The following ZC3H18 variants were observed in gnomAD, a reference collection of about 807,000 sequenced individuals.
ZC3H18 encodes zinc finger CCCH domain-containing protein 18.
ZC3H18 carries 8 observed loss-of-function variants against 106.1 expected under a neutral mutation model. The observed-to-expected ratio is 0.08, with a 90% CI of 0.04 to 0.14. The LOEUF is 0.14. ZC3H18 is among the 10% of genes least tolerant of loss of function. The probability of loss-of-function intolerance (pLI) is 1.00; values close to 1 mark genes in which losing one functional copy is unlikely to be tolerated. For missense variants in ZC3H18, 1,318 were observed against 1,278.4 expected, an observed-to-expected ratio of 1.03 and a Z score of -0.47; for synonymous variants, 635 against 522.1, an observed-to-expected ratio of 1.22 and a Z score of -2.95.
rs963098316 is a variant in ZC3H18, at chr16:88,609,108, C to T, written c.1206+57C>T. On this transcript the variant is annotated intron_variant, in intron 7 of 17. Transcript: ENST00000301011. ...TTCATGATCTGTTCATTCAAGTTATCCCTTTTTATTTACAGTAAAAAATAC... is the reference window on the plus strand; with the variant it reads ...TTCATGATCTGTTCATTCAAGTTATTCCTTTTTATTTACAGTAAAAAATAC... 3.4e-5 allele frequency: 49 copies of T among 1,421,212 alleles called. No homozygotes were observed. In the African/African-American group the frequency reaches 5.8e-4, roughly 17 times the overall value. The allele number at this position is 1,421,212 out of a possible 1,614,324, so 88.0% of individuals were successfully genotyped here.
At chr16:88,603,843 C>A (rs1347228890) in intron 6 of ZC3H18, among the ~76,000 whole-genome samples, 1 of 150,268 alleles carries the variant, frequency 6.7e-6, no homozygotes, top group East Asian at 2.0e-4. Flanking sequence ...CCATGTTAGC[C>A]AGGTTGGTCT....
intron 3 of ZC3H18, among the ~76,000 whole-genome samples, chr16:88,593,245 G>C (rs1050689120): frequency 2.0e-4 from 30 of 152,122 alleles, no homozygotes; most frequent in Non-Finnish European, 3.8e-4. Flanking sequence ...AAGGTCACCT[G>C]CCCCCAGTGA....
At chr16:88,624,477 CGTGCTCACCG>C in intron 11 of ZC3H18, 115 bp from the exon 12 acceptor site, 1 of 1,454,118 alleles carries the variant, frequency 6.9e-7, no homozygotes, top group Non-Finnish European at 9.4e-7. Flanking sequence ...CAGGCACGAG[CGTGCTCACCG>C]AGCGTCACAG....
At chr16:88,583,384 A>G (rs572917282) in intron 2 of ZC3H18, among the ~76,000 whole-genome samples, 1 of 152,348 alleles carries the variant, frequency 6.6e-6, no homozygotes, top group African/African-American at 2.4e-5. Flanking sequence ...CTTGCTGCTC[A>G]TGTTTTAAGC....
chr16:88,598,515 C>A (rs1225101873), intron 4 of ZC3H18, 105 bp from the exon 5 acceptor site: 1 of 1,430,102 alleles, frequency 7.0e-7, no homozygotes, highest in African/African-American at 1.4e-5. Context: ...AGGAGAGCGG[C>A]CACACACGGC....
chr16:88,585,450 G>C (rs1180106093), intron 2 of ZC3H18, among the ~76,000 whole-genome samples: 11 of 152,246 alleles, frequency 7.2e-5, no homozygotes, highest in Non-Finnish European at 5.9e-5. Context: ...GCCTGCCCTG[G>C]TGGGGCACAG....
chr16:88,603,541 C>G (rs952549598), intron 6 of ZC3H18, among the ~76,000 whole-genome samples: 2 of 150,792 alleles, frequency 1.3e-5, no homozygotes, highest in South Asian at 4.2e-4. Context: ...GAGAATTGCT[C>G]GAACCTGGGA....
chr16:88,608,152 G>A lies in ZC3H18; in HGVS notation c.1089-782G>A, dbSNP rs116294810. ...CATATCATTTTGCAAATCTGAGCTC[G>A]TTTTGCTCCTTGTTTTCGTGTTCTT... On this transcript the variant is annotated intron_variant, in intron 6 of 17. Coordinates refer to ENST00000301011, the MANE Select transcript of ZC3H18 (RefSeq NM_144604.4). Among the ~76,000 whole-genome samples the A allele has an allele frequency of 3.5e-3, 537 of 152,164 alleles. 4 individuals are homozygous for A. The highest frequency in any genetic ancestry group is 0.013 in the African/African-American group (522 of 41,528).
At chr16:88,616,485 C>G (rs1014164653) in intron 8 of ZC3H18, among the ~76,000 whole-genome samples, 1 of 152,174 alleles carries the variant, frequency 6.6e-6, no homozygotes, top group Non-Finnish European at 1.5e-5. Context: ...GGGGAGTCCC[C>G]GGTCTTGGCT....
intron 3 of ZC3H18, among the ~76,000 whole-genome samples, chr16:88,596,547 G>A (rs1208064939): frequency 6.6e-6 from 1 of 152,120 alleles, no homozygotes; most frequent in East Asian, 1.9e-4. Context: ...GGCTGAGGCA[G>A]GAGAATCACT....
intron 8 of ZC3H18, among the ~76,000 whole-genome samples, chr16:88,616,411 C>T (rs928242939): frequency 6.6e-6 from 1 of 152,224 alleles, no homozygotes; most frequent in Admixed American, 6.5e-5. Flanking sequence ...TCGGAGCTGC[C>T]AGCAGCAGGG....
intron 4 of ZC3H18, 65 bp from the exon 5 acceptor site, chr16:88,598,555 G>C: frequency 6.6e-7 from 1 of 1,521,166 alleles, no homozygotes; most frequent in Non-Finnish European, 9.0e-7. Context: ...TGTTTTTACT[G>C]TCTGGTTTCT....
Position 88,598,640 on chromosome 16 carries a change from A to G in ZC3H18, c.858A>G (p.Glu286=), listed in dbSNP as rs751970322. 4 of 1,612,062 alleles carry G rather than the reference A, an allele frequency of 2.5e-6. No homozygotes were observed. The highest frequency in any genetic ancestry group is 3.4e-6 in the Non-Finnish European group (4 of 1,179,006). The change falls in exon 5 of 18, where the codon GAA becomes GAG. Residue 286 remains glutamate, a synonymous_variant. Transcript: ENST00000301011. ...AATAGGGTGGGCCGGTAGTTGATGA[A>G]ATTTTGCCTCCACCCCCTCCAGAGC... ...ANPWGGPVVD[E]ILPPPPPEPP...
intron 2 of ZC3H18, among the ~76,000 whole-genome samples, chr16:88,578,677 G>A (rs923436342): frequency 9.9e-5 from 15 of 152,136 alleles, no homozygotes; most frequent in African/African-American, 3.4e-4. Flanking sequence ...TGTAACCGCC[G>A]GTTTGCCTTG....
chr16:88,607,761 C>G (rs981266241), intron 6 of ZC3H18, among the ~76,000 whole-genome samples: 1 of 151,382 alleles, frequency 6.6e-6, no homozygotes, highest in Non-Finnish European at 1.5e-5. Context: ...TTTATTCACA[C>G]ACACTTCATG....
At chr16:88,624,174 C>A in intron 11 of ZC3H18, 112 bp downstream of exon 11, 1 of 1,444,114 alleles carries the variant, frequency 6.9e-7, no homozygotes, top group Non-Finnish European at 9.4e-7. Context: ...GGTGAGGATG[C>A]CTCAGGGGGC....
chr16:88,592,546 T>C (rs958684019), intron 3 of ZC3H18, among the ~76,000 whole-genome samples: 1 of 152,196 alleles, frequency 6.6e-6, no homozygotes, highest in Non-Finnish European at 1.5e-5. Context: ...TGATCTCAGC[T>C]CACTTGCAAC....
At chr16:88,592,001 A>G (rs1597331752) in intron 3 of ZC3H18, among the ~76,000 whole-genome samples, 1 of 151,882 alleles carries the variant, frequency 6.6e-6, no homozygotes. Flanking sequence ...GTTGCTGATG[A>G]CCTGGTGGTT....
intron 3 of ZC3H18, among the ~76,000 whole-genome samples, chr16:88,597,182 A>G (rs772544334): frequency 6.6e-6 from 1 of 152,172 alleles, no homozygotes; most frequent in Non-Finnish European, 1.5e-5. Context: ...TGGCCTCCCA[A>G]CTTCGTTTGA....
Sources: allele counts gnomAD v4.1 joint callset (sites outside exome capture counted in the v4.1 genomes callset), GRCh38; gene constraint gnomAD v4.1.1; transcripts MANE v1.5; gene names NCBI Gene and HGNC (gene_info 2026-07-23, HGNC 2026-07-21).